COL5A2: variants seen among roughly 807,000 people sequenced by gnomAD.
COL5A2 encodes collagen type V alpha 2 chain.
COL5A2 carries 23 observed loss-of-function variants against 208.2 expected under a neutral mutation model. That is an observed-to-expected ratio of 0.11 (90% CI 0.08 to 0.16). The LOEUF is 0.16. COL5A2 is among the 10% of genes least tolerant of loss of function. The pLI, the probability that COL5A2 is intolerant of heterozygous loss-of-function variation, is 1.00. For synonymous variants in COL5A2, 625 were observed against 628.5 expected (o/e 0.99, Z 0.08); for missense variants, 1,590 against 1,956.4 (o/e 0.81, Z 3.53).
At chr2:189,116,907 TAGAA>T (rs1456059403) in intron 1 of COL5A2, among the ~76,000 whole-genome samples, 1 of 152,192 alleles carries the variant, frequency 6.6e-6, no homozygotes, top group African/African-American at 2.4e-5. Context: ...AGATGACTCA[TAGAA>T]AGCTTCATTT....
the COL5A2 span, among the ~76,000 whole-genome samples, chr2:189,344,488 A>G: frequency 3.7e-3 from 569 of 152,274 alleles, 5 homozygotes; most frequent in African/African-American, 0.013. Flanking sequence ...CAGACACCAA[A>G]GAATATTGGG....
rs1576500481 is a variant in COL5A2, at chr2:189,060,455, TTTATATA to T, written c.2085+268_2085+274del. ...AATTGTTAGTATTTGTCCATAACTG[TTTATATA>T]AAGTGGTTAAGAACACATCTTGGGA... On this transcript the variant is annotated intron_variant, in intron 31 of 53. Transcript: ENST00000374866. Among the ~76,000 whole-genome samples, 4 of 152,276 alleles carry T rather than the reference TTTATATA, an allele frequency of 2.6e-5. No homozygotes were observed. The East Asian group carries it at 7.7e-4, about 29-fold the overall frequency.
In COL5A2 at chr2:189,123,043, C is replaced by T. The variant is rs140535849; in HGVS notation, c.98-12594G>A. On this transcript the variant is annotated intron_variant, in intron 1 of 53. Transcript: ENST00000374866. ...GCAATGGCACAATCTTGGCTCACCG[C>T]AACCTTCGCCTCCTGGGTTCAAGTG... Among the ~76,000 whole-genome samples the T allele has an allele frequency of 3.0e-3, 457 of 152,262 alleles. 4 individuals are homozygous for T. The highest frequency in any genetic ancestry group is 0.01 in the African/African-American group (428 of 41,564).
At chr2:189,355,332 C>G in the COL5A2 span, among the ~76,000 whole-genome samples, 12 of 152,176 alleles carry the variant, frequency 7.9e-5, no homozygotes, top group African/African-American at 2.6e-4. Flanking sequence ...TCCTGAATAT[C>G]CTTGTTAATT....
chr2:189,089,759 T>A (rs2105661140), intron 7 of COL5A2, among the ~76,000 whole-genome samples: 1 of 152,314 alleles, frequency 6.6e-6, no homozygotes, highest in East Asian at 1.9e-4. Context: ...GTTATGATGA[T>A]CTGTGTTCAG....
rs62184180 is a variant in COL5A2 at position 189,052,513 on chromosome 2, T to A, written c.2715+236A>T. ...CTTTCACATTGTTTATTTACTCTTT[T>A]ATATAGGTAGTATGTTACTTACATT... On this transcript the variant is annotated intron_variant, in intron 40 of 53. Coordinates refer to ENST00000374866, the MANE Select transcript of COL5A2 (RefSeq NM_000393.5). Among the ~76,000 whole-genome samples, 107,207 of 151,336 alleles carry A rather than the reference T, an allele frequency of 0.71. 38,999 individuals are homozygous for A. The highest frequency in any genetic ancestry group is 0.81 in the Non-Finnish European group (54,545 of 67,610).
chr2:189,284,541 A>G, the COL5A2 span, among the ~76,000 whole-genome samples: 1 of 152,142 alleles, frequency 6.6e-6, no homozygotes, highest in Non-Finnish European at 1.5e-5. Context: ...CTCCATCACA[A>G]GAACAGCAAG....
intron 23 of COL5A2, among the ~76,000 whole-genome samples, chr2:189,065,837 T>C (rs1686136918): frequency 6.6e-6 from 1 of 152,224 alleles, no homozygotes; most frequent in African/African-American, 2.4e-5. Context: ...CATTTGCTTT[T>C]TCCTCTGCTA....
intron 1 of COL5A2, among the ~76,000 whole-genome samples, chr2:189,217,081 T>A (rs1469785218): frequency 1.3e-5 from 2 of 152,094 alleles, no homozygotes; most frequent in Non-Finnish European, 2.9e-5. Context: ...AAAAAAAAAA[T>A]TAACACTCTG....
At chr2:189,123,256 G>A (rs1173501624) in intron 1 of COL5A2, among the ~76,000 whole-genome samples, 4 of 152,228 alleles carry the variant, frequency 2.6e-5, no homozygotes, top group South Asian at 4.1e-4. Flanking sequence ...GAGCCACTGC[G>A]CCAGGCCTAA....
At chr2:189,116,084 C>A (rs1687382911) in intron 1 of COL5A2, among the ~76,000 whole-genome samples, 1 of 152,128 alleles carries the variant, frequency 6.6e-6, no homozygotes, top group Non-Finnish European at 1.5e-5. Context: ...AGATTTAGGT[C>A]CCTTTTGGGA....
At chr2:189,080,692 C>T (rs994803792) in intron 13 of COL5A2, among the ~76,000 whole-genome samples, 1 of 152,208 alleles carries the variant, frequency 6.6e-6, no homozygotes, top group East Asian at 1.9e-4. Context: ...TCATCCGTAT[C>T]CCCCATTAGC....
intron 1 of COL5A2, among the ~76,000 whole-genome samples, chr2:189,155,638 C>T (rs192372203): frequency 1.4e-3 from 206 of 152,140 alleles, no homozygotes; most frequent in Admixed American, 3.5e-3. Context: ...GTTTTTAATT[C>T]CTTTATGGCA....
At chr2:189,172,683 T>A (rs1373156942) in intron 1 of COL5A2, among the ~76,000 whole-genome samples, 2 of 152,140 alleles carry the variant, frequency 1.3e-5, no homozygotes, top group African/African-American at 4.8e-5. Context: ...TTATACTACA[T>A]AGACTACAAC....
At chr2:189,091,573 A>T (rs549331895) in intron 7 of COL5A2, among the ~76,000 whole-genome samples, 1 of 152,340 alleles carries the variant, frequency 6.6e-6, no homozygotes, top group African/African-American at 2.4e-5. Context: ...TTTTTAATAA[A>T]GAAATATACC....
the COL5A2 span, among the ~76,000 whole-genome samples, chr2:189,272,193 G>A: frequency 2.8e-4 from 43 of 152,102 alleles, no homozygotes; most frequent in African/African-American, 9.6e-4. Context: ...ATCATTCTAC[G>A]ATAAAGACAC....
the COL5A2 span, among the ~76,000 whole-genome samples, chr2:189,231,327 A>G: frequency 1.3e-5 from 2 of 151,748 alleles, no homozygotes; most frequent in African/African-American, 4.8e-5. Context: ...TTTTTTTGCC[A>G]CAATAAAAAA....
At chr2:189,045,706 C>T in intron 46 of COL5A2, 94 bp downstream of exon 46, 4 of 942,586 alleles carry the variant, frequency 4.2e-6, no homozygotes, top group Middle Eastern at 4.2e-4. Context: ...TAACGAAGTG[C>T]ACATGTATGA....
At chr2:189,298,392 C>T in the COL5A2 span, among the ~76,000 whole-genome samples, 2 of 152,120 alleles carry the variant, frequency 1.3e-5, no homozygotes, top group African/African-American at 4.8e-5. Flanking sequence ...CCTTAAGCTC[C>T]AGGTCAACCT....
Sources: gnomAD v4.1 joint callset for allele counts (sites outside exome capture counted in the v4.1 genomes callset) on GRCh38, gnomAD v4.1.1 for gene constraint, MANE v1.5 for transcripts, NCBI Gene and HGNC (gene_info 2026-07-23, HGNC 2026-07-21) for gene names.